RABGAP1L: variants seen among roughly 807,000 people sequenced by gnomAD.
RABGAP1L encodes RAB GTPase activating protein 1 like.
RABGAP1L carries 63 observed loss-of-function variants against 137.7 expected under a neutral mutation model. The ratio of observed to expected loss-of-function variants is 0.46; its 90% CI spans 0.37 to 0.56. RABGAP1L has a LOEUF of 0.56. Among genes scored for constraint, RABGAP1L ranks in the 20% least tolerant of loss-of-function variants. RABGAP1L has a pLI of 0.00. For missense variants in RABGAP1L, 1,095 were observed against 1,244.0 expected, an observed-to-expected ratio of 0.88 and a Z score of 1.80; for synonymous variants, 431 against 433.7, an observed-to-expected ratio of 0.99 and a Z score of 0.08.
rs909397955 is a variant in RABGAP1L at position 174,936,971 on chromosome 1, ATTTTT to A, written c.2341-20466_2341-20462del. 8.9e-5 allele frequency among the ~76,000 whole-genome samples: 9 copies of A among 101,522 alleles called. No individual in the cohort carries two copies. The South Asian group carries it at 1.6e-3, about 18-fold the overall frequency. The allele number at this position is 101,522 out of a possible 152,430, so 66.6% of individuals were successfully genotyped here. On this transcript the variant is annotated intron_variant, in intron 19 of 25. Coordinates refer to ENST00000681986, the MANE Select transcript of RABGAP1L (RefSeq NM_001366446.1). The stretch of plus-strand genomic sequence containing the variant: ...AAGGACCATAATTTTTATAAGATTA[ATTTTT>A]TTTTTTTTTTTTTTTTTTTGTGAGA...
At chr1:174,825,899 C>G (rs1426329606) in intron 19 of RABGAP1L, among the ~76,000 whole-genome samples, 1 of 152,006 alleles carries the variant, frequency 6.6e-6, no homozygotes, top group African/African-American at 2.4e-5. Flanking sequence ...TCAAAACAAA[C>G]AAACAAACAA....
chr1:174,686,323 A>T (rs1229021492), intron 15 of RABGAP1L, among the ~76,000 whole-genome samples: 1 of 151,938 alleles, frequency 6.6e-6, no homozygotes, highest in African/African-American at 2.4e-5. Flanking sequence ...CCTCTGTTAC[A>T]TTATTATCTG....
At chr1:174,184,253 ATTACAT>A (rs1558011564) in intron 1 of RABGAP1L, among the ~76,000 whole-genome samples, 1 of 152,186 alleles carries the variant, frequency 6.6e-6, no homozygotes, top group Non-Finnish European at 1.5e-5. Context: ...ATGGAATAGT[ATTACAT>A]TTTGTCTGGA....
At chr1:174,160,087 A>T (rs1664309543) in intron 1 of RABGAP1L, 2 of 152,230 alleles carry the variant, frequency 1.3e-5, no homozygotes, top group Non-Finnish European at 2.9e-5. Flanking sequence ...ACCCACACGC[A>T]GGCTTCTGTA....
intron 13 of RABGAP1L, among the ~76,000 whole-genome samples, chr1:174,405,901 C>G (rs1305841614): frequency 1.3e-5 from 2 of 151,964 alleles, no homozygotes; most frequent in East Asian, 1.9e-4. Context: ...TCACTTGAGC[C>G]CGGGAGGCAG....
At chr1:174,372,035 A>G (rs960678012) in intron 12 of RABGAP1L, among the ~76,000 whole-genome samples, 5 of 152,152 alleles carry the variant, frequency 3.3e-5, no homozygotes, top group Admixed American at 2.6e-4. Flanking sequence ...GTTTTTAAGG[A>G]GATAAACCCT....
intron 13 of RABGAP1L, among the ~76,000 whole-genome samples, chr1:174,572,091 T>A (rs1241559535): frequency 6.6e-6 from 1 of 152,206 alleles, no homozygotes; most frequent in Non-Finnish European, 1.5e-5. Context: ...TAAATCAAAC[T>A]GAAATGCAGG....
At chr1:174,320,977 CA>C (rs1248979132) in intron 11 of RABGAP1L, among the ~76,000 whole-genome samples, 1 of 152,080 alleles carries the variant, frequency 6.6e-6, no homozygotes, top group African/African-American at 2.4e-5. Context: ...TCTCTTCTTA[CA>C]AAAGTGAATA....
At chr1:174,624,035 T>A (rs1672750613) in intron 13 of RABGAP1L, among the ~76,000 whole-genome samples, 1 of 152,242 alleles carries the variant, frequency 6.6e-6, no homozygotes, top group African/African-American at 2.4e-5. Context: ...TCCACAGGAT[T>A]AAGTTAAAGT....
At chr1:174,886,767 C>G (rs1287107354) in intron 19 of RABGAP1L, among the ~76,000 whole-genome samples, 2 of 151,772 alleles carry the variant, frequency 1.3e-5, no homozygotes, top group African/African-American at 2.4e-5. Flanking sequence ...ATTTTCATAA[C>G]TTTTTTCTTT....
chr1:174,395,337 T>C (rs548600148), intron 13 of RABGAP1L, among the ~76,000 whole-genome samples: 158 of 152,288 alleles, frequency 1.0e-3, no homozygotes, highest in South Asian at 2.1e-3. Flanking sequence ...CCTCATAAAA[T>C]GTGTGATTGG....
intron 13 of RABGAP1L, among the ~76,000 whole-genome samples, chr1:174,481,815 G>A (rs1009575566): frequency 6.7e-6 from 1 of 148,458 alleles, no homozygotes; most frequent in Admixed American, 6.8e-5. Context: ...CATGGCACAT[G>A]TATACATATG....
intron 13 of RABGAP1L, among the ~76,000 whole-genome samples, chr1:174,483,569 G>T (rs1472806539): frequency 1.3e-5 from 2 of 151,860 alleles, no homozygotes; most frequent in East Asian, 3.9e-4. Flanking sequence ...TTCAAATCTT[G>T]GCTATTTTAC....
At chr1:174,415,045 G>A (rs1650389574) in intron 13 of RABGAP1L, among the ~76,000 whole-genome samples, 1 of 151,864 alleles carries the variant, frequency 6.6e-6, no homozygotes, top group South Asian at 2.1e-4. Context: ...TACCATATTG[G>A]GGATATTATT....
chr1:174,800,326 A>T, intron 18 of RABGAP1L: 2 of 1,549,460 alleles, frequency 1.3e-6, no homozygotes, highest in South Asian at 2.4e-5. Context: ...ATACCTACTT[A>T]GTGCTCATGG....
chr1:174,991,712 C>T lies in RABGAP1L; in HGVS notation c.*1711C>T, dbSNP rs532079987. 6.6e-6 allele frequency: 1 copy of T among 152,070 alleles called. No homozygotes were observed. Among genetic ancestry groups the T allele is most frequent in the South Asian group, 2.1e-4 (1 of 4,816 alleles). 9.4% of individuals were successfully genotyped at this position (152,070 alleles called of 1,614,324 possible). On this transcript the variant is annotated 3_prime_UTR_variant, in exon 26 of 26. Transcript: ENST00000681986. The stretch of plus-strand genomic sequence containing the variant: ...ATTTTCTTAACAAAAAGGAACATAA[C>T]CCAGCATTCCAAGTGTCTGTGTTGG...
chr1:174,301,059 G>A (rs948185035), intron 10 of RABGAP1L, among the ~76,000 whole-genome samples: 3 of 152,050 alleles, frequency 2.0e-5, no homozygotes, highest in Non-Finnish European at 4.4e-5. Flanking sequence ...GTTCATGCCC[G>A]GTCTGCAGTT....
Position 174,843,320 on chromosome 1 carries a change from G to A in RABGAP1L, c.2340+31360G>A, listed in dbSNP as rs61100712. ...TATACATGTGCCATGCTGGTGTGCT[G>A]CACCCACTAACTCGTCATCTAGCAT... On this transcript the variant is annotated intron_variant, in intron 19 of 25. Coordinates refer to ENST00000681986, the MANE Select transcript of RABGAP1L (RefSeq NM_001366446.1). 7.6e-4 allele frequency among the ~76,000 whole-genome samples: 113 copies of A among 148,924 alleles called. 2 individuals carry two copies. The East Asian group carries it at 0.021, about 27-fold the overall frequency.
chr1:174,830,767 G>A (rs979118358), intron 19 of RABGAP1L, among the ~76,000 whole-genome samples: 1 of 148,270 alleles, frequency 6.7e-6, no homozygotes, highest in African/African-American at 2.5e-5. Flanking sequence ...ATGAGCTACC[G>A]CACCTGGTGA....
Sources: allele counts gnomAD v4.1 joint callset (sites outside exome capture counted in the v4.1 genomes callset), GRCh38; gene constraint gnomAD v4.1.1; transcripts MANE v1.5; gene names NCBI Gene and HGNC (gene_info 2026-07-23, HGNC 2026-07-21).